Variants in ECE1 observed in about 807,000 individuals in gnomAD.
ECE1 encodes the protein endothelin converting enzyme 1, also known as endothelin-converting enzyme 1.
In ECE1, 35 loss-of-function variants were observed where a neutral mutation model predicts 98.6. That is an observed-to-expected ratio of 0.35 (90% confidence interval 0.27 to 0.47). The LOEUF is 0.47. Ranked by LOEUF, ECE1 falls within the 20% of genes least tolerant of loss-of-function variation. The pLI is 1.00. For missense variants in ECE1, 814 were observed against 1,025.3 expected (o/e 0.79, Z 2.81); for synonymous variants, 394 against 407.1 (o/e 0.97, Z 0.39).
chr1:21,258,879 C>T lies in ECE1; in HGVS notation c.616-40G>A, dbSNP rs537232893. On this transcript the variant is annotated intron_variant, in intron 5 of 18. Coordinates refer to ENST00000374893, the MANE Select transcript of ECE1 (RefSeq NM_001397.3). The surrounding 1 kb of genome is among the most constrained non-coding windows in gnomAD (Gnocchi z 4.2). ...AGCAGGCAGGGAGGTGATGAGGTGG[C>T]GGGGAGACCCAGATGTGAATTCTGG... 6.1e-5 allele frequency: 98 copies of T among 1,612,074 alleles called. 1 individual carries two copies. The highest frequency in any genetic ancestry group is 5.2e-4 in the South Asian group (47 of 90,878).
rs2098183750 is a variant in ECE1, at chr1:21,233,002, T to C, written c.1670+556A>G. The C allele has an allele frequency of 6.5e-6, 1 of 153,480 alleles. No individual in the cohort carries two copies. Among genetic ancestry groups the C allele is most frequent in the Non-Finnish European group, 1.4e-5 (1 of 68,994 alleles). The allele number at this position is 153,480 out of a possible 1,614,324, so 9.5% of individuals were successfully genotyped here. A position where few individuals can be genotyped will look rare whatever the true frequency, so the allele number is the denominator to read the frequency against. On this transcript the variant is annotated intron_variant, in intron 14 of 18. Coordinates refer to ENST00000374893, the MANE Select transcript of ECE1 (RefSeq NM_001397.3). This position sits in a 1 kb window ranked among gnomAD's most constrained non-coding sequence, Gnocchi z 4.0. ...CCAGGAAGCTGTATCTTTGAAAAAG[T>C]TCCCCAGAGGACTCTGATGTGCAGT...
chr1:21,292,657 C>T (rs577513436), upstream of ECE1, among the ~76,000 whole-genome samples: 2 of 152,202 alleles, frequency 1.3e-5, no homozygotes, highest in African/African-American at 2.4e-5. Context: ...CTCCATCACC[C>T]GGCACAGAGT....
rs1458041143 is a variant in ECE1, at chr1:21,327,201, G to A, written c.3+18175C>T. On this transcript the variant is annotated intron_variant, in intron 1 of 18. Transcript: ENST00000415912. This position sits in a 1 kb window ranked among gnomAD's most constrained non-coding sequence, Gnocchi z 4.6. ...TGGGAAGAGGGACTCTGCCAGAGCA[G>A]CTGCCAGGAATCTGGGGCCTGGAGT... Among the ~76,000 whole-genome samples the A allele has an allele frequency of 6.6e-6, 1 of 152,264 alleles. No homozygotes were observed. The highest frequency in any genetic ancestry group is 6.5e-5 in the Admixed American group (1 of 15,290).
intron 18 of ECE1, among the ~76,000 whole-genome samples, chr1:21,221,433 A>C (rs1573923218): frequency 6.6e-6 from 1 of 152,192 alleles, no homozygotes; most frequent in East Asian, 1.9e-4. Context: ...CGGCCGCCCA[A>C]AGTGCTGGGA....
At chr1:21,247,495 G>C (rs533151809) in intron 8 of ECE1, 132 bp from the exon 9 acceptor site, 4 of 1,313,460 alleles carry the variant, frequency 3.0e-6, no homozygotes, top group Middle Eastern at 5.1e-4. Flanking sequence ...ACCGGGCAGA[G>C]AGTCAAGCGG....
At chr1:21,298,913 G>A (rs912143997) in intron 1 of ECE1, 15 of 456,034 alleles carry the variant, frequency 3.3e-5, no homozygotes, top group Non-Finnish European at 5.7e-5. Context: ...CTGCAAAGCA[G>A]ACCAGAAAGC....
intron 1 of ECE1, among the ~76,000 whole-genome samples, chr1:21,300,964 G>A (rs775812990): frequency 1.4e-4 from 22 of 152,290 alleles, no homozygotes; most frequent in South Asian, 6.2e-4. Context: ...TCTTGGGTTT[G>A]GAGGACAATA....
intron 1 of ECE1, among the ~76,000 whole-genome samples, chr1:21,332,709 AGGGAGGGGAGGGGAGGGGAGGGGAG>A (rs1195944433): frequency 4.2e-4 from 2 of 4,756 alleles, no homozygotes; most frequent in Non-Finnish European, 7.0e-4. Flanking sequence ...AGAGGAGGTG[AGGGAGGGGAGGGGAGGGGAGGGGAG>A]GGGAGGGGAG....
chr1:21,317,622 T>A (rs1231604970), intron 1 of ECE1, among the ~76,000 whole-genome samples: 1 of 152,194 alleles, frequency 6.6e-6, no homozygotes, highest in Non-Finnish European at 1.5e-5. Context: ...CCTGGCCTTC[T>A]TGGGACCCCT....
chr1:21,227,081 C>T (rs2098175277), intron 16 of ECE1, 78 bp downstream of exon 16: 2 of 1,484,442 alleles, frequency 1.3e-6, no homozygotes, highest in Admixed American at 3.4e-5. Flanking sequence ...TGGTCTCAAA[C>T]TCCTGCCCTC....
At chr1:21,311,675 C>A (rs1280322473) in intron 1 of ECE1, among the ~76,000 whole-genome samples, 1 of 151,460 alleles carries the variant, frequency 6.6e-6, no homozygotes, top group Non-Finnish European at 1.5e-5. Flanking sequence ...AATTAGCAGG[C>A]GTGGTGGTGC....
chr1:21,326,077 G>A (rs1639073689), intron 1 of ECE1, among the ~76,000 whole-genome samples: 1 of 152,108 alleles, frequency 6.6e-6, no homozygotes, highest in Admixed American at 6.5e-5. Context: ...GGACCAGGGG[G>A]CTGGGCCTGG....
intron 17 of ECE1, among the ~76,000 whole-genome samples, chr1:21,224,849 G>A (rs2098171797): frequency 6.6e-6 from 1 of 152,180 alleles, no homozygotes; most frequent in Admixed American, 6.5e-5. Flanking sequence ...CTCCAGAACC[G>A]GGACTTGAAC....
intron 1 of ECE1, among the ~76,000 whole-genome samples, chr1:21,338,048 C>T (rs778401367): frequency 2.0e-5 from 3 of 152,204 alleles, no homozygotes; most frequent in Non-Finnish European, 4.4e-5. Flanking sequence ...GTCCTTCCTT[C>T]CCCTTCTGCC....
Position 21,319,073 on chromosome 1 carries a change from G to A in ECE1, c.3+26303C>T, listed in dbSNP as rs770599909. 2.6e-5 allele frequency among the ~76,000 whole-genome samples: 4 copies of A among 152,194 alleles called. No individual in the cohort carries two copies. The highest frequency in any genetic ancestry group is 5.9e-5 in the Non-Finnish European group (4 of 68,036). On this transcript the variant is annotated intron_variant, in intron 1 of 18. Transcript: ENST00000415912. This position sits in a 1 kb window ranked among gnomAD's most constrained non-coding sequence, Gnocchi z 4.4. ...AAAATAATAAAGTGAGGCCAGGCAC[G>A]GTGGCTCAAGCTCGTAATCCAAGCA...
chr1:21,228,057 A>G lies in ECE1; in HGVS notation c.1671-16T>C. ...CATGCTCCACCTGCAAGCAACACACATGCAGGAGGTCTCAGCACAGGGCGG... is the reference window on the plus strand; with the variant it reads ...CATGCTCCACCTGCAAGCAACACACGTGCAGGAGGTCTCAGCACAGGGCGG... On this transcript the variant is annotated splice_polypyrimidine_tract_variant and intron_variant, in intron 14 of 18. Coordinates refer to ENST00000374893, the MANE Select transcript of ECE1 (RefSeq NM_001397.3). 2.6e-6 allele frequency: 4 copies of G among 1,546,260 alleles called. No homozygotes were observed. The highest frequency in any genetic ancestry group is 1.4e-5 in the African/African-American group (1 of 73,188).
intron 10 of ECE1, 179 bp from the exon 11 acceptor site, chr1:21,238,423 C>A: frequency 1.5e-6 from 1 of 646,962 alleles, no homozygotes. Flanking sequence ...ACCCTCACTC[C>A]CACCCCCTGC....
At chr1:21,254,716 G>C (rs2098217715) in intron 8 of ECE1, among the ~76,000 whole-genome samples, 1 of 147,642 alleles carries the variant, frequency 6.8e-6, no homozygotes. Context: ...CCTGGCCTCA[G>C]AGCAGGAAAA....
intron 14 of ECE1, among the ~76,000 whole-genome samples, chr1:21,231,565 C>T (rs1358097578): frequency 6.6e-6 from 1 of 152,176 alleles, no homozygotes; most frequent in East Asian, 1.9e-4. Flanking sequence ...TGGTCTTGAA[C>T]TCCTGACCTC....
Sources: allele counts gnomAD v4.1 joint callset (sites outside exome capture counted in the v4.1 genomes callset), GRCh38; gene constraint gnomAD v4.1.1; non-coding constraint Gnocchi (gnomAD v3.1); transcripts MANE v1.5; gene names NCBI Gene and HGNC (gene_info 2026-07-23, HGNC 2026-07-21).